The following PRICKLE1 variants were observed in gnomAD, a reference collection of about 807,000 sequenced individuals.
PRICKLE1 encodes prickle planar cell polarity protein 1.
Under a neutral mutation model 70.2 loss-of-function variants are expected in PRICKLE1, and 14 were observed. That is an observed-to-expected ratio of 0.20 (90% CI 0.13 to 0.31). The LOEUF (loss-of-function observed/expected upper bound fraction) is 0.31. PRICKLE1 is among the 10% of genes least tolerant of loss of function. PRICKLE1 has a pLI of 1.00. For missense variants in PRICKLE1, 821 were observed against 1,026.2 expected (o/e 0.80, Z 2.73); for synonymous variants, 357 against 379.9 (o/e 0.94, Z 0.70).
At chr12:42,516,886 T>C (rs763097829) in intron 1 of PRICKLE1, among the ~76,000 whole-genome samples, 1 of 152,182 alleles carries the variant, frequency 6.6e-6, no homozygotes, top group Non-Finnish European at 1.5e-5. Flanking sequence ...ATCTCCTGCC[T>C]ATGGGGTGGG....
chr12:42,534,981 C>T (rs922134819), intron 1 of PRICKLE1, among the ~76,000 whole-genome samples: 1 of 152,114 alleles, frequency 6.6e-6, no homozygotes, highest in South Asian at 2.1e-4. Context: ...TTCTCTGGGA[C>T]ACCATCTCTC....
At chr12:42,532,711 C>T (rs1385545951) in intron 1 of PRICKLE1, among the ~76,000 whole-genome samples, 1 of 152,072 alleles carries the variant, frequency 6.6e-6, no homozygotes, top group Non-Finnish European at 1.5e-5. Context: ...TCCTGGCTAA[C>T]ACGGTGAAAC....
chr12:42,528,228 G>A (rs1592004051), intron 1 of PRICKLE1, among the ~76,000 whole-genome samples: 1 of 151,828 alleles, frequency 6.6e-6, no homozygotes, highest in East Asian at 1.9e-4. Flanking sequence ...CTACAGTTGT[G>A]CACCACCATA....
Position 42,458,421 on chromosome 12 carries a change from G to C in PRICKLE1, c.*1388C>G, listed in dbSNP as rs1403719056. 6.6e-6 allele frequency: 1 copy of C among 152,206 alleles called. No individual in the cohort carries two copies. The highest frequency in any genetic ancestry group is 1.5e-5 in the Non-Finnish European group (1 of 68,038). The allele number at this position is 152,206 out of a possible 1,614,324, so 9.4% of individuals were successfully genotyped here. A position where few individuals can be genotyped will look rare whatever the true frequency, so the allele number is the denominator to read the frequency against. ...GTCCTGGATGCCACTAGAACCTTTA[G>C]TTAGGACTGAGATGTATATGCAAGA... On this transcript the variant is annotated 3_prime_UTR_variant, in exon 8 of 8. Coordinates refer to ENST00000345127, the MANE Select transcript of PRICKLE1 (RefSeq NM_153026.3).
chr12:42,464,842 C>T lies in PRICKLE1; in HGVS notation c.1192G>A (p.Glu398Lys). 1.9e-6 allele frequency: 3 copies of T among 1,614,098 alleles called. No individual in the cohort carries two copies. Among genetic ancestry groups the T allele is most frequent in the Middle Eastern group, 1.6e-4 (1 of 6,062 alleles). The change falls in exon 7 of 8, where the codon GAG (glutamate) becomes AAG (lysine). Residue 398 changes from glutamate (E) to lysine (K), a missense_variant. Coordinates refer to ENST00000345127, the MANE Select transcript of PRICKLE1 (RefSeq NM_153026.3). This position sits in a 1 kb window ranked among gnomAD's most constrained non-coding sequence, Gnocchi z 4.2. Reference protein sequence around the residue: ...ASEEFWKGRVEQETPEDPEEW... With the variant: ...ASEEFWKGRVKQETPEDPEEW... Reference sequence around the variant, plus strand: ...TCAGGGTCTTCTGGAGTTTCCTGCTCTACTCTGCCTTTCCAAAATTCTTCA... The same window carrying T: ...TCAGGGTCTTCTGGAGTTTCCTGCTTTACTCTGCCTTTCCAAAATTCTTCA...
At chr12:42,496,458 C>CCTTTAAGTTAAAGGTGCAT (rs1258105462) in intron 1 of PRICKLE1, among the ~76,000 whole-genome samples, 45 of 152,188 alleles carry the variant, frequency 3.0e-4, no homozygotes, top group Non-Finnish European at 5.4e-4. Context: ...CTTAAAGTCA[C>CCTTTAAGTTAAAGGTGCAT]CAGCTGCATC....
At chr12:42,517,016 T>C (rs1384045992) in intron 1 of PRICKLE1, among the ~76,000 whole-genome samples, 2 of 152,204 alleles carry the variant, frequency 1.3e-5, no homozygotes, top group Non-Finnish European at 2.9e-5. Context: ...GAACCTCTGT[T>C]CCACCCTTGA....
At chr12:42,508,637 T>G (rs1939460748) in intron 1 of PRICKLE1, among the ~76,000 whole-genome samples, 1 of 152,198 alleles carries the variant, frequency 6.6e-6, no homozygotes, top group Admixed American at 6.5e-5. Flanking sequence ...AGAAATTTGC[T>G]TTAGGTTGAA....
intron 1 of PRICKLE1, among the ~76,000 whole-genome samples, chr12:42,488,922 C>CTTTTTTTTTTT (rs768868836): frequency 2.0e-4 from 26 of 130,892 alleles, no homozygotes; most frequent in African/African-American, 7.0e-4. Flanking sequence ...ATCAATCTAT[C>CTTTTTTTTTTT]TTTTTTTTTT....
intron 7 of PRICKLE1, 129 bp from the exon 8 acceptor site, chr12:42,460,794 G>C: frequency 9.1e-7 from 1 of 1,098,018 alleles, no homozygotes; most frequent in Non-Finnish European, 1.3e-6. Context: ...AAAACCCATA[G>C]GGAAAGCCAA....
At chr12:42,474,255 G>A (rs12422938) in intron 1 of PRICKLE1, among the ~76,000 whole-genome samples, 49,323 of 152,078 alleles carry the variant, frequency 0.32, 8,476 homozygotes, top group Non-Finnish European at 0.38. Context: ...CTGGGCGACA[G>A]AGCGAGACTC....
chr12:42,518,682 T>A (rs1020131831), intron 1 of PRICKLE1, among the ~76,000 whole-genome samples: 1 of 152,246 alleles, frequency 6.6e-6, no homozygotes, highest in African/African-American at 2.4e-5. Flanking sequence ...AGTTGTAAGA[T>A]GAAATTTAAT....
chr12:42,511,711 G>A (rs190063639), intron 1 of PRICKLE1, among the ~76,000 whole-genome samples: 2 of 152,170 alleles, frequency 1.3e-5, no homozygotes, highest in African/African-American at 2.4e-5. Flanking sequence ...CATGTATAAA[G>A]AGTATTATTT....
chr12:42,501,668 T>C (rs1448484118), intron 1 of PRICKLE1, among the ~76,000 whole-genome samples: 9 of 152,230 alleles, frequency 5.9e-5, no homozygotes, highest in South Asian at 2.1e-4. Flanking sequence ...GGCTTTTTTT[T>C]CCCCCATACA....
At position 42,469,734 on chromosome 12, in the gene PRICKLE1, T is replaced by A. The variant is rs530814512; in HGVS notation, c.247-147A>T. 2.1e-6 allele frequency: 2 copies of A among 962,140 alleles called. 1 individual carries two copies. Among genetic ancestry groups the A allele is most frequent in the African/African-American group, 3.2e-5 (2 of 61,608 alleles). The allele number at this position is 962,140 out of a possible 1,614,324, so 59.6% of individuals were successfully genotyped here. A position where few individuals can be genotyped will look rare whatever the true frequency, so the allele number is the denominator to read the frequency against. On this transcript the variant is annotated intron_variant, in intron 3 of 7. Coordinates refer to ENST00000345127, the MANE Select transcript of PRICKLE1 (RefSeq NM_153026.3). ...CCCACGATTTTAAAATGACACCATA[T>A]CTGAATTTTACAGCCTCTCTAGAAA...
intron 1 of PRICKLE1, among the ~76,000 whole-genome samples, chr12:42,572,717 C>T (rs1376437049): frequency 6.6e-6 from 1 of 151,990 alleles, no homozygotes. Context: ...GTCCCAGCTA[C>T]TTGGTAGGCT....
In PRICKLE1 at chr12:42,543,418, G is replaced by A. The variant is rs933188564; in HGVS notation, c.-49+46047C>T. Among the ~76,000 whole-genome samples the A allele has an allele frequency of 4.7e-5, 7 of 148,508 alleles. No individual in the cohort carries two copies. The East Asian group carries it at 5.9e-4, about 13-fold the overall frequency. On this transcript the variant is annotated intron_variant, in intron 1 of 7. Coordinates refer to ENST00000345127, the MANE Select transcript of PRICKLE1 (RefSeq NM_153026.3). ...TCACTATGTTGCCCAGGCTGCACTC[G>A]AACTCCTGAGCTCAAGTGATCCTCC... is the stretch of plus-strand genomic sequence containing the variant.
chr12:42,470,151 C>T (rs1938258369), intron 3 of PRICKLE1, 95 bp downstream of exon 3: 6 of 905,220 alleles, frequency 6.6e-6, no homozygotes, highest in South Asian at 1.4e-5. Context: ...AGGGAGCCCT[C>T]GCCAGTGAGG....
At chr12:42,561,230 C>T (rs1940507897) in intron 1 of PRICKLE1, among the ~76,000 whole-genome samples, 1 of 152,126 alleles carries the variant, frequency 6.6e-6, no homozygotes, top group African/African-American at 2.4e-5. Flanking sequence ...TCTCTTTTCC[C>T]TTTGTTGTGT....
Sources: allele counts gnomAD v4.1 joint callset (sites outside exome capture counted in the v4.1 genomes callset), GRCh38; gene constraint gnomAD v4.1.1; non-coding constraint Gnocchi (gnomAD v3.1); transcripts MANE v1.5; gene names NCBI Gene and HGNC (gene_info 2026-07-23, HGNC 2026-07-21).